The following TSPEAR variants were observed in gnomAD, a reference collection of about 807,000 sequenced individuals.
The protein encoded by TSPEAR is thrombospondin type laminin G domain and EAR repeats.
A neutral mutation model predicts 71.6 loss-of-function variants in TSPEAR; 69 were observed. That is an observed-to-expected ratio of 0.96 (90% CI 0.79 to 1.18). The LOEUF is 1.18. TSPEAR is among the 50% of genes most tolerant of loss of function. The pLI is 0.00. For missense variants in TSPEAR, 971 were observed against 894.9 expected, an observed-to-expected ratio of 1.09 and a Z score of -1.09; for synonymous variants, 402 against 387.2, an observed-to-expected ratio of 1.04 and a Z score of -0.45.
At position 44,612,155 on chromosome 21, in the gene TSPEAR, G is replaced by C. The variant is rs782101894; in HGVS notation, c.83-44150C>G. The C allele has an allele frequency of 2.0e-5, 33 of 1,613,948 alleles. No individual in the cohort carries two copies. The East Asian group carries it at 2.2e-4, about 11-fold the overall frequency. ...TGTGATTGCTGCATCCACCATGTCT[G>C]TCTGCTCCAGTGACGTGGGCCATGT... On this transcript the variant is annotated intron_variant, in intron 1 of 11. Transcript: ENST00000323084. The surrounding 1 kb of genome is among the most constrained non-coding windows in gnomAD (Gnocchi z 4.1).
intron 2 of TSPEAR, chr21:44,539,167 G>A (rs782514561): frequency 2.7e-5 from 38 of 1,406,046 alleles, no homozygotes; most frequent in Non-Finnish European, 2.9e-5. Context: ...AAGGAGGGGG[G>A]GTCACCTCAG....
intron 1 of TSPEAR, among the ~76,000 whole-genome samples, chr21:44,640,805 C>T (rs1708806386): frequency 6.6e-6 from 1 of 152,146 alleles, no homozygotes; most frequent in Admixed American, 6.5e-5. Context: ...TCCCGGAGAC[C>T]CTAGCAAAGG....
intron 1 of TSPEAR, among the ~76,000 whole-genome samples, chr21:44,650,536 C>T (rs2146248493): frequency 6.6e-6 from 1 of 152,146 alleles, no homozygotes; most frequent in Admixed American, 6.5e-5. Flanking sequence ...AGGCAACAGG[C>T]CCAGAAAACA....
chr21:44,564,829 T>C (rs2053682561), intron 2 of TSPEAR, among the ~76,000 whole-genome samples: 1 of 152,176 alleles, frequency 6.6e-6, no homozygotes. Flanking sequence ...CAGCAGAATA[T>C]ACATTTTTTT....
chr21:44,599,134 TTCTCTCTCTCTC>T (rs58774528), intron 1 of TSPEAR, among the ~76,000 whole-genome samples: 8 of 92,280 alleles, frequency 8.7e-5, no homozygotes, highest in African/African-American at 2.3e-4. Flanking sequence ...GGCCCCCATT[TTCTCTCTCTCTC>T]TCTCTCTCTC....
In TSPEAR at chr21:44,513,512, C is replaced by T. The variant is rs377281263; in HGVS notation, c.1567-4126G>A. Among the ~76,000 whole-genome samples the T allele has an allele frequency of 7.5e-4, 115 of 152,344 alleles. 1 individual carries two copies. Among genetic ancestry groups the T allele is most frequent in the South Asian group, 2.3e-3 (11 of 4,830 alleles). ...CCTGCTGGGCTGGGCAGGCCCTTCC[C>T]GCCCTCCCTCCAATGGAATTCCCCA... On this transcript the variant is annotated intron_variant, in intron 9 of 11. Transcript: ENST00000323084.
intron 1 of TSPEAR, among the ~76,000 whole-genome samples, chr21:44,645,888 C>T (rs374059015): frequency 2.6e-5 from 4 of 151,548 alleles, no homozygotes; most frequent in Non-Finnish European, 4.4e-5. Flanking sequence ...GCCTGTAATC[C>T]CAGCACTTTG....
At chr21:44,702,186 G>C in intron 1 of TSPEAR, 1 of 1,520,132 alleles carries the variant, frequency 6.6e-7, no homozygotes, top group South Asian at 1.2e-5. Context: ...CCACCCCACA[G>C]AGCAAAAGCT....
intron 1 of TSPEAR, among the ~76,000 whole-genome samples, chr21:44,699,478 T>G (rs575504516): frequency 1.4e-5 from 2 of 146,674 alleles, no homozygotes; most frequent in South Asian, 4.5e-4. Flanking sequence ...GCCTTGCACC[T>G]CCCAGAGGAA....
At chr21:44,603,462 C>A (rs13048925) in intron 1 of TSPEAR, among the ~76,000 whole-genome samples, 2 of 152,022 alleles carry the variant, frequency 1.3e-5, no homozygotes, top group African/African-American at 2.4e-5. Flanking sequence ...AGAAGCACGT[C>A]CTCCTCTGCG....
intron 1 of TSPEAR, among the ~76,000 whole-genome samples, chr21:44,577,860 GT>G: frequency 6.6e-6 from 1 of 152,332 alleles, no homozygotes; most frequent in East Asian, 1.9e-4. Flanking sequence ...GTTTGGCTGT[GT>G]CCCCACCCAA....
intron 1 of TSPEAR, among the ~76,000 whole-genome samples, chr21:44,577,950 G>A (rs1978570014): frequency 6.6e-6 from 1 of 152,302 alleles, no homozygotes; most frequent in African/African-American, 2.4e-5. Context: ...TCTTTCCTGT[G>A]CTGTTCTCAT....
intron 6 of TSPEAR, among the ~76,000 whole-genome samples, chr21:44,528,168 C>G (rs1445374079): frequency 6.6e-6 from 1 of 152,176 alleles, no homozygotes; most frequent in Non-Finnish European, 1.5e-5. Flanking sequence ...GATGCACAGG[C>G]TCGAGGCTCC....
chr21:44,653,675 G>A (rs1288767460), intron 1 of TSPEAR, among the ~76,000 whole-genome samples: 1 of 152,178 alleles, frequency 6.6e-6, no homozygotes, highest in Non-Finnish European at 1.5e-5. Context: ...TACCTAAAAT[G>A]GATCAAACTA....
In TSPEAR at chr21:44,591,439, C is replaced by T. The variant is rs376270826; in HGVS notation, c.83-23434G>A. On this transcript the variant is annotated intron_variant, in intron 1 of 11. Coordinates refer to ENST00000323084, the MANE Select transcript of TSPEAR (RefSeq NM_144991.3). ...GAGGCTGTAGCAGGCAGGGCGGGAG[C>T]ACATGGGGCGGCAGAGGAGGGAAAC... 11 of 1,613,718 alleles carry T rather than the reference C, an allele frequency of 6.8e-6. No homozygotes were observed. The African/African-American group carries it at 1.2e-4, about 18-fold the overall frequency.
intron 2 of TSPEAR, among the ~76,000 whole-genome samples, chr21:44,554,231 G>C (rs142461336): frequency 1.8e-4 from 27 of 152,314 alleles, no homozygotes; most frequent in African/African-American, 6.0e-4. Context: ...TCTGGGCCAC[G>C]TGAGGACAGC....
intron 9 of TSPEAR, among the ~76,000 whole-genome samples, chr21:44,516,727 G>A (rs146886373): frequency 1.4e-4 from 22 of 152,234 alleles, no homozygotes; most frequent in Admixed American, 3.9e-4. Context: ...CATCCCTGGG[G>A]CAGTCCCCCA....
intron 1 of TSPEAR, among the ~76,000 whole-genome samples, chr21:44,617,086 TCACTCACCC>T (rs1443452387): frequency 6.6e-6 from 1 of 151,954 alleles, no homozygotes; most frequent in Non-Finnish European, 1.5e-5. Flanking sequence ...CTCACTCACC[TCACTCACCC>T]ACTCATGCCT....
chr21:44,645,717 T>C (rs2146236704), intron 1 of TSPEAR, among the ~76,000 whole-genome samples: 1 of 152,270 alleles, frequency 6.6e-6, no homozygotes, highest in Middle Eastern at 3.4e-3. Context: ...TTTCTCCATG[T>C]TTATGTTTTA....
Sources: gnomAD v4.1 joint callset for allele counts (sites outside exome capture counted in the v4.1 genomes callset) on GRCh38, gnomAD v4.1.1 for gene constraint, Gnocchi (gnomAD v3.1) non-coding constraint, MANE v1.5 for transcripts, NCBI Gene and HGNC (gene_info 2026-07-23, HGNC 2026-07-21) for gene names.